NDST4: variants seen among roughly 807,000 people sequenced by gnomAD.
The protein encoded by NDST4 is N-deacetylase and N-sulfotransferase 4, also known as N-heparan sulfate sulfotransferase 4.
A neutral mutation model predicts 100.8 loss-of-function variants in NDST4; 63 were observed. That is an observed-to-expected ratio of 0.62 (90% CI 0.51 to 0.77). The LOEUF is 0.77. Among genes scored for constraint, NDST4 ranks in the 30% least tolerant of loss-of-function variants. The probability of loss-of-function intolerance (pLI) is 0.00; values close to 1 mark genes in which losing one functional copy is unlikely to be tolerated. For missense variants in NDST4, 943 were observed against 1,018.4 expected (o/e 0.93, Z 1.01); for synonymous variants, 377 against 361.8 (o/e 1.04, Z -0.48).
chr4:114,986,793 C>CATACATATATATATATATATATAT (rs1553959380), intron 2 of NDST4, among the ~76,000 whole-genome samples: 6 of 91,138 alleles, frequency 6.6e-5, no homozygotes, highest in African/African-American at 2.7e-4. Flanking sequence ...TCCAATTATA[C>CATACATATATATATATATATATAT]ATATATATAT....
intron 1 of NDST4, among the ~76,000 whole-genome samples, chr4:115,079,838 G>A (rs1330955529): frequency 6.6e-6 from 1 of 152,026 alleles, no homozygotes; most frequent in Non-Finnish European, 1.5e-5. Context: ...ATATTTCTAT[G>A]TTCTACAATA....
chr4:114,830,738 T>C (rs9991699), intron 12 of NDST4, among the ~76,000 whole-genome samples: 4,892 of 152,278 alleles, frequency 0.032, 270 homozygotes, highest in African/African-American at 0.11. Context: ...TCGAAAAGGT[T>C]TGCATTTTTG....
At chr4:114,979,858 A>G (rs1357306118) in intron 2 of NDST4, among the ~76,000 whole-genome samples, 2 of 152,202 alleles carry the variant, frequency 1.3e-5, no homozygotes, top group South Asian at 2.1e-4. Flanking sequence ...ATGAAAAAAA[A>G]GCAAATCTTA....
At position 115,057,358 on chromosome 4, in the gene NDST4, A is replaced by AG. The variant is rs1553920404; in HGVS notation, c.978+18700_978+18701insC. Among the ~76,000 whole-genome samples the AG allele has an allele frequency of 1.1e-4, 17 of 151,614 alleles. 1 individual carries two copies. In the East Asian group the frequency reaches 3.3e-3, roughly 30 times the overall value. On this transcript the variant is annotated intron_variant, in intron 2 of 13. Transcript: ENST00000264363. ...AAGGAGAAACAGAGCCAGAGAGAGA[A>AG]AAGGAGAAAATGAGGGGAGAAAGAG...
chr4:114,945,575 A>C (rs7680862), intron 4 of NDST4, among the ~76,000 whole-genome samples: 3 of 152,106 alleles, frequency 2.0e-5, no homozygotes, highest in Non-Finnish European at 2.9e-5. Flanking sequence ...AAGAGAAAAC[A>C]ATAAAATAAT....
chr4:114,899,876 GCTT>G (rs1231702779), intron 6 of NDST4, among the ~76,000 whole-genome samples: 2 of 152,054 alleles, frequency 1.3e-5, no homozygotes, highest in African/African-American at 4.8e-5. Context: ...TACTCCCTCT[GCTT>G]CTATCTTCTA....
At chr4:114,955,999 C>A (rs924477124) in intron 4 of NDST4, 1 of 152,226 alleles carries the variant, frequency 6.6e-6, no homozygotes, top group Non-Finnish European at 1.5e-5. Flanking sequence ...TTCTAGTTAA[C>A]AGCAAATTTG....
intron 7 of NDST4, among the ~76,000 whole-genome samples, chr4:114,867,646 T>TAA (rs761173470): frequency 4.5e-4 from 12 of 26,722 alleles, no homozygotes; most frequent in South Asian, 2.1e-3. Flanking sequence ...ATGAGAATTA[T>TAA]AAAAAAAAAA....
At chr4:114,938,335 T>A (rs1230296944) in intron 4 of NDST4, among the ~76,000 whole-genome samples, 1 of 152,208 alleles carries the variant, frequency 6.6e-6, no homozygotes, top group Admixed American at 6.5e-5. Context: ...ACTATGAGAT[T>A]CTTGGGTAAA....
chr4:114,988,799 C>T (rs574293900), intron 2 of NDST4, among the ~76,000 whole-genome samples: 2 of 152,058 alleles, frequency 1.3e-5, no homozygotes, highest in East Asian at 3.9e-4. Context: ...TCTCAGTGCA[C>T]CGCCAGTAGG....
Position 115,086,773 on chromosome 4 carries a change from A to G in NDST4, c.-246-9491T>C, listed in dbSNP as rs1255847401. Among the ~76,000 whole-genome samples, 7 of 152,200 alleles carry G rather than the reference A, an allele frequency of 4.6e-5. No homozygotes were observed. In the East Asian group the frequency reaches 1.4e-3, roughly 29 times the overall value. Reference sequence around the variant, plus strand: ...TTTTCTAAAGCAAAGAAAGGACATGATTTTTTAAAAATAAAGAGTCTAATT... The same window carrying G: ...TTTTCTAAAGCAAAGAAAGGACATGGTTTTTTAAAAATAAAGAGTCTAATT... On this transcript the variant is annotated intron_variant, in intron 1 of 13. Transcript: ENST00000264363.
intron 8 of NDST4, among the ~76,000 whole-genome samples, chr4:114,851,060 A>G (rs1346367802): frequency 1.3e-5 from 2 of 152,162 alleles, no homozygotes; most frequent in African/African-American, 4.8e-5. Flanking sequence ...TCACCTCACA[A>G]AAACTGAGCA....
At chr4:114,968,917 G>A (rs1726442663) in intron 4 of NDST4, among the ~76,000 whole-genome samples, 1 of 151,956 alleles carries the variant, frequency 6.6e-6, no homozygotes, top group African/African-American at 2.4e-5. Flanking sequence ...AGGCCTCTCT[G>A]CAGATCTACT....
At chr4:114,899,448 A>T (rs1193249914) in intron 6 of NDST4, among the ~76,000 whole-genome samples, 2 of 152,150 alleles carry the variant, frequency 1.3e-5, no homozygotes, top group African/African-American at 4.8e-5. Flanking sequence ...AAATGCTGGG[A>T]TTACAAGCGT....
intron 2 of NDST4, among the ~76,000 whole-genome samples, chr4:114,996,582 C>G (rs1035551122): frequency 1.3e-5 from 2 of 152,080 alleles, no homozygotes; most frequent in Non-Finnish European, 2.9e-5. Context: ...TAGCTCTCCT[C>G]TCTGTTTCCT....
rs535872930 is a variant in NDST4, at chr4:114,989,742, G to A, written c.979-12468C>T. On this transcript the variant is annotated intron_variant, in intron 2 of 13. Transcript: ENST00000264363. ...GGGTCCTGGAGTTTGTAGTAAAGCAGGAAGAAAGTGGTCAGATTTGGGACG... is the reference window on the plus strand; with the variant it reads ...GGGTCCTGGAGTTTGTAGTAAAGCAAGAAGAAAGTGGTCAGATTTGGGACG... 4.4e-4 allele frequency among the ~76,000 whole-genome samples: 67 copies of A among 152,240 alleles called. 1 individual carries two copies. In the Middle Eastern group the frequency reaches 0.01, roughly 23 times the overall value.
chr4:114,905,596 G>C (rs959325994), intron 6 of NDST4, among the ~76,000 whole-genome samples: 1 of 151,802 alleles, frequency 6.6e-6, no homozygotes, highest in Non-Finnish European at 1.5e-5. Flanking sequence ...ACTTGCAAAT[G>C]ATAATTAATT....
chr4:115,088,730 T>TC (rs1417394102), intron 1 of NDST4, among the ~76,000 whole-genome samples: 5 of 152,122 alleles, frequency 3.3e-5, no homozygotes, highest in African/African-American at 1.2e-4. Context: ...ATAAATTGTT[T>TC]CATCTTGTTA....
At chr4:114,928,419 G>C (rs776209222) in intron 6 of NDST4, among the ~76,000 whole-genome samples, 1 of 152,170 alleles carries the variant, frequency 6.6e-6, no homozygotes, top group Non-Finnish European at 1.5e-5. Context: ...TTTATGAGAA[G>C]ACACTTACAC....
Sources: gnomAD v4.1 joint callset for allele counts (sites outside exome capture counted in the v4.1 genomes callset) on GRCh38, gnomAD v4.1.1 for gene constraint, MANE v1.5 for transcripts, NCBI Gene and HGNC (gene_info 2026-07-23, HGNC 2026-07-21) for gene names.